DCST2: variants seen among roughly 807,000 people sequenced by gnomAD.
The protein encoded by DCST2 is DC-STAMP domain containing 2.
Under a neutral mutation model 81.8 loss-of-function variants are expected in DCST2, and 64 were observed. The ratio of observed to expected loss-of-function variants is 0.78; its 90% CI spans 0.64 to 0.96. DCST2 has a LOEUF of 0.96. Among genes scored for constraint, DCST2 ranks in the 40% least tolerant of loss-of-function variants. The pLI is 0.00. For synonymous variants in DCST2, 354 were observed against 402.6 expected, an observed-to-expected ratio of 0.88 and a Z score of 1.44; for missense variants, 945 against 1,001.4, an observed-to-expected ratio of 0.94 and a Z score of 0.76.
chr1:155,023,351 C>T lies in DCST2; in HGVS notation c.1964+13G>A, dbSNP rs766859451. On this transcript the variant is annotated intron_variant, in intron 13 of 14. Coordinates refer to ENST00000368424, the MANE Select transcript of DCST2 (RefSeq NM_144622.3). ...TACAGACTCCAGCCACCCCATGTCA[C>T]TGAAAGACTCACAGCTCCAGGTCCA... is the stretch of plus-strand genomic sequence containing the variant. The T allele has an allele frequency of 1.2e-6, 2 of 1,609,316 alleles. No individual in the cohort carries two copies. The highest frequency in any genetic ancestry group is 1.7e-6 in the Non-Finnish European group (2 of 1,177,778).
chr1:155,032,984 T>A, intron 2 of DCST2, 110 bp downstream of exon 2: 1 of 1,284,058 alleles, frequency 7.8e-7, no homozygotes, highest in Admixed American at 2.7e-5. Context: ...CAGGCCCAGA[T>A]GCTCCGCGAT....
Position 155,031,133 on chromosome 1 carries a change from A to C in DCST2, c.805+36T>G, listed in dbSNP as rs572091724. 9.5e-6 allele frequency: 15 copies of C among 1,576,242 alleles called. No individual in the cohort carries two copies. In the African/African-American group the frequency reaches 2.1e-4, roughly 22 times the overall value. On this transcript the variant is annotated intron_variant, in intron 5 of 14. Transcript: ENST00000368424. Reference sequence around the variant, plus strand: ...ACCGGGATGAGGGAGGGAGACCACTAGGGAGCACCATATGTGGCAGGAGGG... The same window carrying C: ...ACCGGGATGAGGGAGGGAGACCACTCGGGAGCACCATATGTGGCAGGAGGG...
intron 4 of DCST2, 43 bp from the exon 5 acceptor site, chr1:155,031,277 C>A: frequency 6.5e-7 from 1 of 1,532,192 alleles, no homozygotes. Context: ...AGGGGCACAG[C>A]CAGGCCTGCC....
intron 13 of DCST2, 39 bp downstream of exon 13, chr1:155,023,325 C>G: frequency 6.2e-7 from 1 of 1,611,252 alleles, no homozygotes. Flanking sequence ...TCCACTGCCC[C>G]TACAGACTCC....
intron 7 of DCST2, 118 bp downstream of exon 7, chr1:155,029,966 C>T (rs913076197): frequency 2.1e-6 from 3 of 1,460,770 alleles, no homozygotes; most frequent in Non-Finnish European, 2.8e-6. Context: ...CTCCCTCTGG[C>T]CCCTGCCCCA....
chr1:155,030,418 C>T lies in DCST2; in HGVS notation c.1019+14G>A, dbSNP rs370660873. On this transcript the variant is annotated intron_variant, in intron 6 of 14. Transcript: ENST00000368424. ...CCGGCCCTGCATCCCCCACGCTGCCCGGCAGCCCCTCACTGGAGGTAGAGA... is the reference window on the plus strand; with the variant it reads ...CCGGCCCTGCATCCCCCACGCTGCCTGGCAGCCCCTCACTGGAGGTAGAGA... 14 of 1,611,430 alleles carry T rather than the reference C, an allele frequency of 8.7e-6. No homozygotes were observed. The highest frequency in any genetic ancestry group is 4.4e-5 in the South Asian group (4 of 90,944).
chr1:155,018,819 C>T (rs1328976243), intron 14 of DCST2, 59 bp from the exon 15 acceptor site: 10 of 1,489,148 alleles, frequency 6.7e-6, no homozygotes, highest in Non-Finnish European at 8.2e-6. Flanking sequence ...ACAGGTGCAT[C>T]CCTGCCCCCT....
At chr1:155,022,119 G>A (rs999956731) in intron 14 of DCST2, among the ~76,000 whole-genome samples, 3 of 152,086 alleles carry the variant, frequency 2.0e-5, no homozygotes, top group Admixed American at 6.6e-5. Flanking sequence ...CACCCACCTC[G>A]GCCTCCCAAA....
At chr1:155,020,334 T>G (rs1446930250) in intron 14 of DCST2, among the ~76,000 whole-genome samples, 1 of 152,164 alleles carries the variant, frequency 6.6e-6, no homozygotes, top group Non-Finnish European at 1.5e-5. Flanking sequence ...CTGGCAACAG[T>G]GATGCAGGAG....
In DCST2 at chr1:155,030,639, A is replaced by G. The variant is rs1423991338; in HGVS notation, c.812T>C (p.Ile271Thr). Reference protein sequence around the residue: ...FLRQTIGTPVIQLLNRVRQEF... With the variant: ...FLRQTIGTPVTQLLNRVRQEF... ...CTGACGCACCCGGTTGAGCAACTGA[A>G]TCACGGCTGGGGCCAGCAGGTTCAG... is the stretch of plus-strand genomic sequence containing the variant. Residue 271 changes from isoleucine (I) to threonine (T), a missense_variant, in exon 6 of 15, where the codon ATT (isoleucine) becomes ACT (threonine). By Grantham distance (89) the Ile-to-Thr change is moderately conservative. Coordinates refer to ENST00000368424, the MANE Select transcript of DCST2 (RefSeq NM_144622.3). 6.2e-7 allele frequency: 1 copy of G among 1,614,016 alleles called. No homozygotes were observed. The highest frequency in any genetic ancestry group is 1.1e-5 in the South Asian group (1 of 91,076).
chr1:155,018,835 GC>G (rs1659658285), intron 14 of DCST2, 75 bp from the exon 15 acceptor site: 1 of 1,435,518 alleles, frequency 7.0e-7, no homozygotes, highest in African/African-American at 1.4e-5. Context: ...CCCCTGCCCT[GC>G]CCCATCTGTT....
In DCST2 at chr1:155,023,819, CA is replaced by C; in HGVS notation, c.1870+12del. On this transcript the variant is annotated intron_variant, in intron 12 of 14. Coordinates refer to ENST00000368424, the MANE Select transcript of DCST2 (RefSeq NM_144622.3). Reference sequence around the variant, plus strand: ...TCCGAGCAGGGAGAGGCACACGCCCCAGGGGGTCTCACCTTGGCAGCCGGGG... The same window carrying C: ...TCCGAGCAGGGAGAGGCACACGCCCCGGGGGTCTCACCTTGGCAGCCGGGG... The C allele has an allele frequency of 6.2e-7, 1 of 1,613,108 alleles. No individual in the cohort carries two copies. Among genetic ancestry groups the C allele is most frequent in the Non-Finnish European group, 8.5e-7 (1 of 1,179,680 alleles).
At chr1:155,025,507 T>C (rs1659875612) in intron 10 of DCST2, among the ~76,000 whole-genome samples, 1 of 151,824 alleles carries the variant, frequency 6.6e-6, no homozygotes, top group Admixed American at 6.6e-5. Context: ...TTTTGTATTT[T>C]TAGTAGAGAT....
intron 5 of DCST2, chr1:155,030,850 A>G (rs1377422846): frequency 1.6e-6 from 1 of 619,010 alleles, no homozygotes; most frequent in African/African-American, 1.8e-5. Flanking sequence ...AGCACCCAGC[A>G]TGACACAGGG....
At position 155,030,898 on chromosome 1, in the gene DCST2, C is replaced by G. The variant is rs932797214; in HGVS notation, c.806-253G>C. ...GCCCCTAAGGAATGATCTTGATGAC[C>G]TGAGTGTGGACCTGAATGTGGACAG... On this transcript the variant is annotated intron_variant, in intron 5 of 14. Transcript: ENST00000368424. The G allele has an allele frequency of 5.0e-6, 3 of 605,624 alleles. No homozygotes were observed. The African/African-American group carries it at 5.6e-5, about 11-fold the overall frequency. The allele number at this position is 605,624 out of a possible 1,614,324, so 37.5% of individuals were successfully genotyped here.
intron 8 of DCST2, among the ~76,000 whole-genome samples, chr1:155,028,342 A>G (rs1005585060): frequency 2.0e-5 from 3 of 152,226 alleles, no homozygotes; most frequent in South Asian, 2.1e-4. Context: ...TGTAATACCA[A>G]CACTTTGGAA....
rs768049974 is a variant in DCST2, at chr1:155,030,224, T to C, written c.1037A>G (p.Tyr346Cys). The C allele has an allele frequency of 4.9e-5, 79 of 1,613,814 alleles. No individual in the cohort carries two copies. The highest frequency in any genetic ancestry group is 6.4e-5 in the Non-Finnish European group (76 of 1,179,996). ...LLYLQALFYRYCYLNWDHYDN... is the reference protein window; with the variant it reads ...LLYLQALFYRCCYLNWDHYDN... Reference sequence around the variant, plus strand: ...ATAATGGTCCCAGTTCAGGTAACAATACCGGTAAAATAGGGCTCTGGGAAG... The same window carrying C: ...ATAATGGTCCCAGTTCAGGTAACAACACCGGTAAAATAGGGCTCTGGGAAG... The change falls in exon 7 of 15, where the codon TAT (tyrosine) becomes TGT (cysteine). Residue 346 changes from tyrosine (Y) to cysteine (C), a missense_variant. By Grantham distance (194) the Tyr-to-Cys change is radical (BLOSUM62 -2). Transcript: ENST00000368424.
chr1:155,030,436 G>T lies in DCST2; in HGVS notation c.1015C>A (p.Leu339Ile). The change falls in exon 6 of 15, where the codon CTC (leucine) becomes ATC (isoleucine). Residue 339 changes from leucine (L) to isoleucine (I), a missense_variant. By Grantham distance (5) the Leu-to-Ile change is conservative. Transcript: ENST00000368424. ...CGCTGCCCGGCAGCCCCTCACTGGA[G>T]GTAGAGAAGCACAAGCAGCAGAGGC... Reference protein sequence around the residue: ...TTPLLLVLLYLQALFYRYCYL... With the variant: ...TTPLLLVLLYIQALFYRYCYL... The T allele has an allele frequency of 6.2e-7, 1 of 1,613,508 alleles. No individual in the cohort carries two copies. Among genetic ancestry groups the T allele is most frequent in the South Asian group, 1.1e-5 (1 of 91,050 alleles).
chr1:155,029,368 A>T lies in DCST2; in HGVS notation c.1207T>A (p.Phe403Ile), dbSNP rs151211024. 3.7e-6 allele frequency: 6 copies of T among 1,614,058 alleles called. No homozygotes were observed. The highest frequency in any genetic ancestry group is 1.3e-5 in the African/African-American group (1 of 75,018). ...GSIFLSQWEK[F>I]FYILETFNLI... The stretch of plus-strand genomic sequence containing the variant: ...TTGAAGGTCTCCAGAATGTAAAAAA[A>T]CTTCTCCCATTGGGACAAGAAGATG... The change falls in exon 8 of 15, where the codon TTT becomes ATT. Residue 403 changes from phenylalanine to isoleucine, a missense_variant. Physicochemically the swap from Phe to Ile is conservative, Grantham distance 21. Transcript: ENST00000368424.
Sources: allele counts gnomAD v4.1 joint callset (sites outside exome capture counted in the v4.1 genomes callset), GRCh38; gene constraint gnomAD v4.1.1; transcripts MANE v1.5; gene names NCBI Gene and HGNC (gene_info 2026-07-23, HGNC 2026-07-21).